TET2: variants seen among roughly 807,000 people sequenced by gnomAD.
TET2 encodes methylcytosine dioxygenase TET2.
A neutral mutation model predicts 142.9 loss-of-function variants in TET2; 299 were observed. The observed-to-expected ratio is 2.09, with a 90% CI of 1.90 to 2.30. TET2 has a LOEUF of 2.30. Among genes scored for constraint, TET2 ranks in the 30% most tolerant of loss-of-function variants. The pLI is 0.00. For missense variants in TET2, 2,418 were observed against 2,378.0 expected (o/e 1.02, Z -0.35); for synonymous variants, 819 against 849.0 (o/e 0.96, Z 0.61).
chr4:105,238,697 G>T (rs1729100110), intron 3 of TET2: 1 of 242,034 alleles, frequency 4.1e-6, no homozygotes, highest in Non-Finnish European at 8.7e-6. Flanking sequence ...CTCCACGGAA[G>T]TCTTGAACTC....
chr4:105,250,549 T>G (rs1729822056), intron 6 of TET2, among the ~76,000 whole-genome samples: 1 of 151,860 alleles, frequency 6.6e-6, no homozygotes, highest in Non-Finnish European at 1.5e-5. Context: ...GGACTTTGAC[T>G]GGGGTTCTGT....
chr4:105,159,970 C>T (rs1436421113), intron 1 of TET2, among the ~76,000 whole-genome samples: 1 of 152,188 alleles, frequency 6.6e-6, no homozygotes, highest in Admixed American at 6.5e-5. Context: ...CGCCACTGCA[C>T]TCCAGCCTGG....
intron 2 of TET2, among the ~76,000 whole-genome samples, chr4:105,222,076 G>A (rs1023042529): frequency 7.1e-4 from 107 of 151,240 alleles, no homozygotes; most frequent in Non-Finnish European, 1.4e-3. Flanking sequence ...AGTATTCCAT[G>A]GTGTATATGT....
chr4:105,242,437 TCTAA>T, intron 4 of TET2: 3 of 1,097,458 alleles, frequency 2.7e-6, no homozygotes, highest in Middle Eastern at 4.0e-4. Context: ...GAGGAACAGT[TCTAA>T]CTAAAATCTA....
chr4:105,176,471 C>T (rs1724802342), intron 1 of TET2, among the ~76,000 whole-genome samples: 1 of 152,040 alleles, frequency 6.6e-6, no homozygotes, highest in African/African-American at 2.4e-5. Flanking sequence ...ATAAAGAAAG[C>T]CAATCACTTT....
chr4:105,163,834 AGAGAGAGAGAGAGAGAGAGAGTGT>A (rs752571973), intron 1 of TET2, among the ~76,000 whole-genome samples: 10 of 138,030 alleles, frequency 7.2e-5, no homozygotes, highest in Admixed American at 1.4e-4. Flanking sequence ...AGAGAGAGAG[AGAGAGAGAGAGAGAGAGAGAGTGT>A]GTGTGTGTGT....
chr4:105,155,939 G>A (rs1283936973), intron 1 of TET2, among the ~76,000 whole-genome samples: 1 of 152,184 alleles, frequency 6.6e-6, no homozygotes, highest in Non-Finnish European at 1.5e-5. Context: ...GACCCATTAA[G>A]AAGTTGGTGT....
chr4:105,274,884 T>C (rs955100041), intron 10 of TET2, among the ~76,000 whole-genome samples, 164 bp from the exon 11 acceptor site: 2 of 152,234 alleles, frequency 1.3e-5, no homozygotes, highest in African/African-American at 4.8e-5. Flanking sequence ...AAAATTGTGC[T>C]GGACAATGAT....
chr4:105,276,401 A>C lies in TET2; in HGVS notation c.5891A>C (p.Tyr1964Ser), dbSNP rs770590635. The change falls in exon 11 of 11, where the codon TAC becomes TCC. Residue 1964 changes from tyrosine to serine, a missense_variant. Transcript: ENST00000380013. ...CCACATGAAACTTCAGAGCCCACTT[A>C]CCTGCGTTTCATCAAGTCTCTTGCC... is the stretch of plus-strand genomic sequence containing the variant. ...AEPHETSEPT[Y>S]LRFIKSLAER... 15 of 1,551,868 alleles carry C rather than the reference A, an allele frequency of 9.7e-6. 1 individual carries two copies.
chr4:105,167,896 T>C (rs562548044), intron 1 of TET2, among the ~76,000 whole-genome samples: 2 of 152,336 alleles, frequency 1.3e-5, no homozygotes, highest in South Asian at 4.1e-4. Flanking sequence ...GGACGTAATC[T>C]TGCCTAGCTT....
intron 2 of TET2, among the ~76,000 whole-genome samples, chr4:105,217,847 T>C (rs1727586578): frequency 6.6e-6 from 1 of 152,024 alleles, no homozygotes; most frequent in South Asian, 2.1e-4. Context: ...AGGACACATC[T>C]CTAGTTTATT....
At chr4:105,267,540 A>C (rs1192373749) in intron 8 of TET2, among the ~76,000 whole-genome samples, 1 of 26,114 alleles carries the variant, frequency 3.8e-5, no homozygotes, top group African/African-American at 3.3e-4. Context: ...TTAAACCACT[A>C]AAAAAAAAAA....
At chr4:105,245,235 G>A (rs1405893094) in intron 6 of TET2, among the ~76,000 whole-genome samples, 1 of 152,104 alleles carries the variant, frequency 6.6e-6, no homozygotes, top group Non-Finnish European at 1.5e-5. Context: ...TTTATGGTGT[G>A]TACCTGACCA....
At chr4:105,187,336 A>G (rs1725517704) in intron 1 of TET2, among the ~76,000 whole-genome samples, 1 of 152,212 alleles carries the variant, frequency 6.6e-6, no homozygotes, top group African/African-American at 2.4e-5. Context: ...TGCTGAACTC[A>G]GATTTAAGAG....
At chr4:105,239,115 G>T (rs186811347) in intron 3 of TET2, 4 of 230,464 alleles carry the variant, frequency 1.7e-5, no homozygotes, top group African/African-American at 9.3e-5. Context: ...TCAACACTGG[G>T]CTTAAAATAT....
At chr4:105,224,133 A>C (rs1728028341) in intron 2 of TET2, among the ~76,000 whole-genome samples, 1 of 152,082 alleles carries the variant, frequency 6.6e-6, no homozygotes, top group Non-Finnish European at 1.5e-5. Context: ...TTTTTCTTAG[A>C]GCAATAAAAG....
chr4:105,151,272 G>A (rs1723285119), intron 1 of TET2, among the ~76,000 whole-genome samples: 1 of 152,104 alleles, frequency 6.6e-6, no homozygotes, highest in South Asian at 2.1e-4. Context: ...AGTGAGCTCT[G>A]ATCACACCAC....
rs1427967384 is a variant in TET2 at position 105,279,781 on chromosome 4, T to C, written c.*3262T>C. On this transcript the variant is annotated 3_prime_UTR_variant, in exon 11 of 11. Transcript: ENST00000380013. ...CTATGTGAGTGTTTTTAATAAAATT[T>C]ATATTTATTTAATGCACTCTAAGTG... is the stretch of plus-strand genomic sequence containing the variant. 1 of 213,548 alleles carries C rather than the reference T, an allele frequency of 4.7e-6. No homozygotes were observed. The highest frequency in any genetic ancestry group is 9.5e-6 in the Non-Finnish European group (1 of 105,780). 13.2% of individuals were successfully genotyped at this position (213,548 alleles called of 1,614,324 possible).
chr4:105,189,991 ATC>A (rs1257954852), intron 1 of TET2, among the ~76,000 whole-genome samples: 1 of 152,198 alleles, frequency 6.6e-6, no homozygotes, highest in African/African-American at 2.4e-5. Flanking sequence ...ACAAGTCAGA[ATC>A]TCTGAGCAAA....
Sources: allele counts gnomAD v4.1 joint callset (sites outside exome capture counted in the v4.1 genomes callset), GRCh38; gene constraint gnomAD v4.1.1; transcripts MANE v1.5; gene names NCBI Gene and HGNC (gene_info 2026-07-23, HGNC 2026-07-21).